The following XPO1 variants were observed in gnomAD, a reference collection of about 807,000 sequenced individuals.
XPO1 encodes exportin-1.
XPO1 carries 5 observed loss-of-function variants against 133.3 expected under a neutral mutation model. The observed-to-expected ratio is 0.04, with a 90% CI of 0.02 to 0.08. The LOEUF is 0.08. XPO1 is among the 10% of genes least tolerant of loss of function. The pLI is 1.00. For missense variants in XPO1, 506 were observed against 1,267.5 expected, an observed-to-expected ratio of 0.40 and a Z score of 9.12; for synonymous variants, 419 against 408.2, an observed-to-expected ratio of 1.03 and a Z score of -0.32.
intron 3 of XPO1, chr2:61,525,599 G>GTT: frequency 9.8e-7 from 1 of 1,018,812 alleles, no homozygotes; most frequent in Non-Finnish European, 1.2e-6. Context: ...ATGTCTGTCA[G>GTT]TATAAAAAGC....
Position 61,484,066 on chromosome 2 carries a change from A to T in XPO1, c.2548T>A (p.Leu850Ile). 6.2e-7 allele frequency: 1 copy of T among 1,614,010 alleles called. No homozygotes were observed. The highest frequency in any genetic ancestry group is 8.5e-7 in the Non-Finnish European group (1 of 1,179,912). Residue 850 changes from leucine to isoleucine, a missense_variant, in exon 21 of 25, where the codon TTA becomes ATA. Around this residue, in one of 6 missense-constraint regions of XPO1, gnomAD observed 203 missense variants for 365.9 expected, o/e 0.55. Coordinates refer to ENST00000401558, the MANE Select transcript of XPO1 (RefSeq NM_003400.4). ...EYPEHRTNFF[L>I]LLQAVNSHCF... ...TGAGAATTGACAGCCTGAAGTAGTA[A>T]GAAAAAGTTCGTTCTATGTTCAGGA...
In XPO1 at chr2:61,481,270, T is replaced by G. The variant is rs773750079; in HGVS notation, c.2984A>C (p.Lys995Thr). ...GCTGAAAAGCCCTGTCACAAAGAGCTTTACTTGAGCACTGCAAATCAAAAC... is the reference window on the plus strand; with the variant it reads ...GCTGAAAAGCCCTGTCACAAAGAGCGTTACTTGAGCACTGCAAATCAAAAC... ...AFPHLQDAQV[K>T]LFVTGLFSLN... The change falls in exon 24 of 25, where the codon AAG (lysine) becomes ACG (threonine). Residue 995 changes from lysine (K) to threonine (T), a missense_variant. Physicochemically the swap from Lys to Thr is moderately conservative, Grantham distance 78. This residue lies in a region of XPO1 where 203 missense variants were observed against 365.9 expected (regional missense o/e 0.55). Coordinates refer to ENST00000401558, the MANE Select transcript of XPO1 (RefSeq NM_003400.4). 1 of 1,610,388 alleles carries G rather than the reference T, an allele frequency of 6.2e-7. No homozygotes were observed. Among genetic ancestry groups the G allele is most frequent in the Non-Finnish European group, 8.5e-7 (1 of 1,178,644 alleles).
At chr2:61,522,495 A>T in intron 4 of XPO1, 116 bp downstream of exon 4, 2 of 840,140 alleles carry the variant, frequency 2.4e-6, no homozygotes, top group South Asian at 3.3e-5. Context: ...AAAAGCAATA[A>T]GCTCCATTAG....
At chr2:61,518,414 CAAA>C (rs139158218) in intron 4 of XPO1, among the ~76,000 whole-genome samples, 6 of 85,580 alleles carry the variant, frequency 7.0e-5, no homozygotes, top group Admixed American at 1.0e-4. Context: ...AAACAAAAAA[CAAA>C]ACACACACAC....
rs1405529745 is a variant in XPO1, at chr2:61,538,045, C to CG, written c.-491_-490insC. 8.4e-6 allele frequency: 1 copy of CG among 118,474 alleles called. No homozygotes were observed. Among genetic ancestry groups the CG allele is most frequent in the Non-Finnish European group, 1.8e-5 (1 of 54,442 alleles). 7.3% of individuals were successfully genotyped at this position (118,474 alleles called of 1,614,324 possible). A position where few individuals can be genotyped will look rare whatever the true frequency, so the allele number is the denominator to read the frequency against. The stretch of plus-strand genomic sequence containing the variant: ...TCTCACGCGGCTCCGGCGCTGGCCC[C>CG]CCCCCCCCCAAGGCTCGCCTAAACT... On this transcript the variant is annotated 5_prime_UTR_variant, in exon 1 of 25. Coordinates refer to ENST00000401558, the MANE Select transcript of XPO1 (RefSeq NM_003400.4).
chr2:61,508,782 T>A (rs990988073), intron 4 of XPO1, among the ~76,000 whole-genome samples: 21 of 152,154 alleles, frequency 1.4e-4, no homozygotes, highest in African/African-American at 5.1e-4. Context: ...AGTCATAGAG[T>A]TGTACATCAG....
chr2:61,489,586 G>A lies in XPO1; in HGVS notation c.2023-815C>T, dbSNP rs182474103. Among the ~76,000 whole-genome samples the A allele has an allele frequency of 6.2e-4, 93 of 149,268 alleles. 1 individual carries two copies. In the East Asian group the frequency reaches 6.8e-3, roughly 11 times the overall value. On this transcript the variant is annotated intron_variant, in intron 17 of 24. Coordinates refer to ENST00000401558, the MANE Select transcript of XPO1 (RefSeq NM_003400.4). ...TTTTTTTTTTTTGGGACGGAGTCTCGTTCTGTTGCCCAGGCTAGAGTGCAG... is the reference window on the plus strand; with the variant it reads ...TTTTTTTTTTTTGGGACGGAGTCTCATTCTGTTGCCCAGGCTAGAGTGCAG...
At chr2:61,527,021 T>G (rs1698934346) in intron 2 of XPO1, among the ~76,000 whole-genome samples, 1 of 152,140 alleles carries the variant, frequency 6.6e-6, no homozygotes, top group African/African-American at 2.4e-5. Context: ...TCCTAATCTT[T>G]AAAGGTGCAA....
At chr2:61,484,895 C>G (rs1027755307) in intron 20 of XPO1, 1 of 152,408 alleles carries the variant, frequency 6.6e-6, no homozygotes, top group Non-Finnish European at 1.5e-5. Flanking sequence ...GGATTACAAG[C>G]GTGAGCCACG....
At chr2:61,525,765 A>T in intron 3 of XPO1, 6 of 1,031,318 alleles carry the variant, frequency 5.8e-6, no homozygotes, top group Non-Finnish European at 7.0e-6. Flanking sequence ...TGGTTTCAGA[A>T]ACAGATGTGA....
intron 2 of XPO1, among the ~76,000 whole-genome samples, chr2:61,531,463 G>C (rs752062140): frequency 3.6e-4 from 55 of 152,104 alleles, no homozygotes; most frequent in Non-Finnish European, 6.8e-4. Context: ...ATTAAAAGCA[G>C]TATTGCTGTA....
Position 61,483,055 on chromosome 2 carries a change from G to A in XPO1, c.2714C>T (p.Ala905Val), listed in dbSNP as rs764088732. 1 of 1,613,464 alleles carries A rather than the reference G, an allele frequency of 6.2e-7. No homozygotes were observed. The highest frequency in any genetic ancestry group is 1.1e-5 in the South Asian group (1 of 91,046). The change falls in exon 22 of 25, where the codon GCA (alanine) becomes GTA (valine). Residue 905 changes from alanine to valine, a missense_variant. Around this residue, in one of 6 missense-constraint regions of XPO1, gnomAD observed 203 missense variants for 365.9 expected, o/e 0.55. Coordinates refer to ENST00000401558, the MANE Select transcript of XPO1 (RefSeq NM_003400.4). ...ACTCTGAGCTGCAGCTTCTTCTTGT[G>A]CAACATTTTGTAAGAGTGTAAAAAG... ...QILFTLLQNVAQEEAAAQSFY... is the reference protein window; with the variant it reads ...QILFTLLQNVVQEEAAAQSFY...
At chr2:61,510,392 T>C (rs1434906299) in intron 4 of XPO1, among the ~76,000 whole-genome samples, 1 of 152,188 alleles carries the variant, frequency 6.6e-6, no homozygotes, top group Non-Finnish European at 1.5e-5. Flanking sequence ...TACTGTTCTC[T>C]CAATGAAATA....
intron 4 of XPO1, among the ~76,000 whole-genome samples, chr2:61,508,287 A>G (rs1258225115): frequency 6.6e-6 from 1 of 152,218 alleles, no homozygotes; most frequent in Non-Finnish European, 1.5e-5. Flanking sequence ...GCCATATAAA[A>G]TTTATTCAAA....
intron 21 of XPO1, 141 bp downstream of exon 21, chr2:61,483,796 C>A: frequency 1.1e-6 from 1 of 947,552 alleles, no homozygotes; most frequent in Non-Finnish European, 1.6e-6. Flanking sequence ...GATTAAACTG[C>A]TTATAGGATT....
At chr2:61,531,795 A>G (rs1699163423) in intron 2 of XPO1, among the ~76,000 whole-genome samples, 1 of 152,218 alleles carries the variant, frequency 6.6e-6, no homozygotes, top group African/African-American at 2.4e-5. Context: ...CATGAGTAAC[A>G]ACTAAATGAC....
rs763617113 is a variant in XPO1, at chr2:61,482,033, CCTTT to C, written c.2972+343_2972+346del. Among the ~76,000 whole-genome samples, 302 of 86,784 alleles carry C rather than the reference CCTTT, an allele frequency of 3.5e-3. 20 individuals carry two copies. The highest frequency in any genetic ancestry group is 5.0e-3 in the Admixed American group (37 of 7,382). The allele number at this position is 86,784 out of a possible 152,430, so 56.9% of individuals were successfully genotyped here. On this transcript the variant is annotated intron_variant, in intron 23 of 24. Transcript: ENST00000401558. ...TACAGTCATGAGCCACCGTGCGTGG[CCTTT>C]TTTTTTTTTTTTTTTTTTTTGCTTT...
Position 61,492,083 on chromosome 2 carries a change from T to C in XPO1, c.1839A>G (p.Glu613=). The stretch of plus-strand genomic sequence containing the variant: ...TAATAGTGTTAATGTTGTTCAAAAT[T>C]TCATCAATAAATGGCATCACTTCTC... ...QVGEVMPFID[E]ILNNINTIIC... The change falls in exon 16 of 25, where the codon GAA becomes GAG. Residue 613 remains glutamate (E), a synonymous_variant. Coordinates refer to ENST00000401558, the MANE Select transcript of XPO1 (RefSeq NM_003400.4). The surrounding 1 kb of genome is among the most constrained non-coding windows in gnomAD (Gnocchi z 5.6). 1.9e-6 allele frequency: 3 copies of C among 1,614,158 alleles called. No homozygotes were observed. Among genetic ancestry groups the C allele is most frequent in the Non-Finnish European group, 2.5e-6 (3 of 1,180,038 alleles).
chr2:61,520,069 T>C (rs1336971122), intron 4 of XPO1, among the ~76,000 whole-genome samples: 1 of 152,126 alleles, frequency 6.6e-6, no homozygotes, highest in African/African-American at 2.4e-5. Context: ...CCTTAATATT[T>C]AGTAGTAATC....
Sources: allele counts gnomAD v4.1 joint callset (sites outside exome capture counted in the v4.1 genomes callset), GRCh38; gene constraint gnomAD v4.1.1; regional missense constraint gnomAD v4.1.1; non-coding constraint Gnocchi (gnomAD v3.1); transcripts MANE v1.5; gene names NCBI Gene and HGNC (gene_info 2026-07-23, HGNC 2026-07-21).